The following ERCC6L2 variants were observed in gnomAD, a reference collection of about 807,000 sequenced individuals.
The protein encoded by ERCC6L2 is DNA excision repair protein ERCC-6-like 2.
ERCC6L2 carries 77 observed loss-of-function variants against 132.0 expected under a neutral mutation model. The ratio of observed to expected loss-of-function variants is 0.58; its 90% CI spans 0.49 to 0.71. The LOEUF is 0.71. Among genes scored for constraint, ERCC6L2 ranks in the 30% least tolerant of loss-of-function variants. The pLI is 0.00. For missense variants in ERCC6L2, 1,542 were observed against 1,837.6 expected (o/e 0.84, Z 2.94); for synonymous variants, 583 against 632.4 (o/e 0.92, Z 1.17).
At chr9:95,901,481 C>T (rs563257701) in intron 3 of ERCC6L2, among the ~76,000 whole-genome samples, 1 of 152,204 alleles carries the variant, frequency 6.6e-6, no homozygotes, top group African/African-American at 2.4e-5. Flanking sequence ...ATTACTTGGC[C>T]ATTATTTTTC....
At chr9:96,038,484 T>A (rs77009560) in intron 19 of ERCC6L2, among the ~76,000 whole-genome samples, 15,391 of 152,200 alleles carry the variant, frequency 0.1, 859 homozygotes, top group African/African-American at 0.13. Flanking sequence ...CACCTGGGCC[T>A]GAAGAAGGCC....
intron 17 of ERCC6L2, among the ~76,000 whole-genome samples, chr9:95,983,527 TCTGA>T (rs1832970379): frequency 6.6e-6 from 1 of 152,224 alleles, no homozygotes; most frequent in South Asian, 2.1e-4. Flanking sequence ...CTCATTCAAC[TCTGA>T]CTGACTCTAA....
rs754841129 is a variant in ERCC6L2, at chr9:96,007,323, G to A, written c.3674+2622G>A. On this transcript the variant is annotated intron_variant, in intron 18 of 18. Transcript: ENST00000653738. The stretch of plus-strand genomic sequence containing the variant: ...GCTAACATGGAGTTAAGATGAGTTT[G>A]GAGGTGAGCTAAAGAAAGTGGTGGG... 3.9e-5 allele frequency among the ~76,000 whole-genome samples: 6 copies of A among 152,206 alleles called. No homozygotes were observed. In the South Asian group the frequency reaches 1.2e-3, roughly 32 times the overall value.
At chr9:95,943,270 A>T (rs1830889735) in intron 12 of ERCC6L2, among the ~76,000 whole-genome samples, 1 of 152,174 alleles carries the variant, frequency 6.6e-6, no homozygotes, top group South Asian at 2.1e-4. Context: ...ATAAGGGTAG[A>T]GGTGGGTAAA....
intron 17 of ERCC6L2, among the ~76,000 whole-genome samples, chr9:95,997,191 A>G (rs770393741): frequency 1.1e-4 from 16 of 152,234 alleles, no homozygotes; most frequent in East Asian, 3.8e-4. Flanking sequence ...CATTTTAGAT[A>G]TCATTGAAAA....
chr9:95,914,414 C>T (rs529977355), intron 4 of ERCC6L2, among the ~76,000 whole-genome samples: 5 of 151,744 alleles, frequency 3.3e-5, no homozygotes, highest in African/African-American at 1.2e-4. Context: ...AGTGCAGTGG[C>T]GCAATCTGGG....
chr9:96,011,182 C>G (rs1211886414), intron 18 of ERCC6L2, among the ~76,000 whole-genome samples: 1 of 152,186 alleles, frequency 6.6e-6, no homozygotes, highest in Non-Finnish European at 1.5e-5. Context: ...TGGCCAACAA[C>G]AAGAAGTTAG....
chr9:96,032,734 G>C (rs560465750), intron 19 of ERCC6L2, among the ~76,000 whole-genome samples: 2 of 152,202 alleles, frequency 1.3e-5, no homozygotes, highest in African/African-American at 4.8e-5. Context: ...GGCCTAGAAC[G>C]CAATGCTGGT....
rs531741646 is a variant in ERCC6L2, at chr9:95,978,325, G to A, written c.3492+110G>A. On this transcript the variant is annotated intron_variant, in intron 17 of 18. Coordinates refer to ENST00000653738, the MANE Select transcript of ERCC6L2 (RefSeq NM_020207.7). ...TCAAAAGTAGCAACAAAAACTGTAA[G>A]TGACATACAAATAAGTGTAAAAATC... is the stretch of plus-strand genomic sequence containing the variant. 7.2e-5 allele frequency: 42 copies of A among 586,176 alleles called. No homozygotes were observed. In the African/African-American group the frequency reaches 8.4e-4, roughly 12 times the overall value. The allele number at this position is 586,176 out of a possible 1,614,324, so 36.3% of individuals were successfully genotyped here.
chr9:95,940,444 A>C (rs1411335043), intron 11 of ERCC6L2, among the ~76,000 whole-genome samples: 2 of 152,092 alleles, frequency 1.3e-5, no homozygotes, highest in Non-Finnish European at 2.9e-5. Flanking sequence ...AGAAAGCTAG[A>C]CTTTCTTCTC....
chr9:95,901,836 A>G (rs1238385260), intron 3 of ERCC6L2, among the ~76,000 whole-genome samples: 1 of 152,262 alleles, frequency 6.6e-6, no homozygotes, highest in Admixed American at 6.5e-5. Context: ...GACATTCTAC[A>G]GTATTTCCCA....
At chr9:96,009,424 G>A (rs895608405) in intron 18 of ERCC6L2, among the ~76,000 whole-genome samples, 1 of 152,240 alleles carries the variant, frequency 6.6e-6, no homozygotes, top group Non-Finnish European at 1.5e-5. Flanking sequence ...TCTGAATGAA[G>A]TGTTCAGTCC....
chr9:96,036,660 T>C (rs912258528), intron 19 of ERCC6L2, among the ~76,000 whole-genome samples: 2 of 152,224 alleles, frequency 1.3e-5, no homozygotes, highest in Non-Finnish European at 2.9e-5. Flanking sequence ...ATTTCTCACG[T>C]CCTTTCCAAT....
At chr9:95,931,968 C>T (rs763119820) in intron 11 of ERCC6L2, among the ~76,000 whole-genome samples, 34 of 151,524 alleles carry the variant, frequency 2.2e-4, no homozygotes, top group Non-Finnish European at 4.1e-4. Flanking sequence ...AACTTTCAAA[C>T]TATATTGGTT....
intron 16 of ERCC6L2, among the ~76,000 whole-genome samples, chr9:95,977,588 GAC>G (rs747728703): frequency 6.6e-6 from 1 of 151,998 alleles, no homozygotes; most frequent in Non-Finnish European, 1.5e-5. Context: ...GTACAAAAAA[GAC>G]AAAATACAAA....
At position 96,015,308 on chromosome 9, in the gene ERCC6L2, C is replaced by G. The variant is rs1487441906; in HGVS notation, c.*2105C>G. 6.6e-6 allele frequency among the ~76,000 whole-genome samples: 1 copy of G among 150,814 alleles called. No individual in the cohort carries two copies. Among genetic ancestry groups the G allele is most frequent in the East Asian group, 2.0e-4 (1 of 5,066 alleles). On this transcript the variant is annotated 3_prime_UTR_variant, in exon 19 of 19. Transcript: ENST00000653738. ...TCAAGCAATTCTCCTGCCTCAGCCT[C>G]CCGAGTAGCTGGGACTACAGGTGCG...
chr9:95,923,742 G>A (rs558923819), intron 9 of ERCC6L2, among the ~76,000 whole-genome samples: 4 of 152,250 alleles, frequency 2.6e-5, no homozygotes, highest in Admixed American at 2.6e-4. Context: ...AAAACAGGGG[G>A]GTAAGGAAAG....
In ERCC6L2 at chr9:96,017,051, G is replaced by T. The variant is rs1455971439; in HGVS notation, c.*3848G>T. Among the ~76,000 whole-genome samples, 1 of 152,212 alleles carries T rather than the reference G, an allele frequency of 6.6e-6. No individual in the cohort carries two copies. Among genetic ancestry groups the T allele is most frequent in the East Asian group, 1.9e-4 (1 of 5,204 alleles). ...ACAGGCACACACCTTCAAAGAGCAAGAGTGCCCATCACTTTCTAGGCTCCT... is the reference window on the plus strand; with the variant it reads ...ACAGGCACACACCTTCAAAGAGCAATAGTGCCCATCACTTTCTAGGCTCCT... On this transcript the variant is annotated 3_prime_UTR_variant, in exon 19 of 19. Transcript: ENST00000653738.
At chr9:95,987,911 C>G (rs1401185378) in intron 17 of ERCC6L2, among the ~76,000 whole-genome samples, 1 of 152,212 alleles carries the variant, frequency 6.6e-6, no homozygotes, top group Non-Finnish European at 1.5e-5. Context: ...GGTTCCCAAA[C>G]CTCAGTTCTT....
Sources: allele counts gnomAD v4.1 joint callset (sites outside exome capture counted in the v4.1 genomes callset), GRCh38; gene constraint gnomAD v4.1.1; transcripts MANE v1.5; gene names NCBI Gene and HGNC (gene_info 2026-07-23, HGNC 2026-07-21).